GOLGA8B: variants seen among roughly 807,000 people sequenced by gnomAD.
GOLGA8B encodes the protein golgin subfamily A member 8B.
A neutral mutation model predicts 15.6 loss-of-function variants in GOLGA8B; 1 was observed. That is an observed-to-expected ratio of 0.06 (90% CI 0.02 to 0.30). The LOEUF is 0.30. GOLGA8B is among the 10% of genes least tolerant of loss of function. The pLI is 1.00. For missense variants in GOLGA8B, 17 were observed against 201.3 expected (o/e 0.08, Z 5.54); for synonymous variants, 9 against 80.3 (o/e 0.11, Z 4.75).
intron 1 of GOLGA8B, among the ~76,000 whole-genome samples, chr15:34,571,710 A>G (rs1888919169): frequency 6.6e-6 from 1 of 152,056 alleles, no homozygotes; most frequent in African/African-American, 2.4e-5. Flanking sequence ...CGAGACTATC[A>G]AGTATTAGCA....
In GOLGA8B at chr15:34,544,915, TACG is replaced by T. The variant is rs1192333531; in HGVS notation, c.-442_-440del. On this transcript the variant is annotated 5_prime_UTR_variant, in exon 7 of 24. Transcript: ENST00000683415. ...CTTTGAGTCACGTGGCATTTCTTTG[TACG>T]ATGACCGGTTCTGTCGAGTAGGCAC... 15 of 96,868 alleles carry T rather than the reference TACG, an allele frequency of 1.5e-4. No homozygotes were observed. Among genetic ancestry groups the T allele is most frequent in the Non-Finnish European group, 2.1e-4 (10 of 47,298 alleles). 6.0% of individuals were successfully genotyped at this position (96,868 alleles called of 1,614,324 possible).
intron 1 of GOLGA8B, among the ~76,000 whole-genome samples, chr15:34,564,177 C>T (rs1888694745): frequency 6.9e-6 from 1 of 145,212 alleles, no homozygotes; most frequent in Admixed American, 6.9e-5. Context: ...CTACAACACA[C>T]AGGAGAACCC....
At chr15:34,569,774 C>T (rs1888858047) in intron 1 of GOLGA8B, among the ~76,000 whole-genome samples, 1 of 151,094 alleles carries the variant, frequency 6.6e-6, no homozygotes. Context: ...TACCACTTGT[C>T]ACAAGGAAGC....
At chr15:34,583,324 G>A (rs941288502) in intron 1 of GOLGA8B, among the ~76,000 whole-genome samples, 192 bp downstream of exon 1, 5 of 152,064 alleles carry the variant, frequency 3.3e-5, no homozygotes, top group South Asian at 4.1e-4. Flanking sequence ...AGAGGCGTAG[G>A]CCAGCCGGGC....
At chr15:34,561,205 C>T in intron 1 of GOLGA8B, among the ~76,000 whole-genome samples, 1 of 143,260 alleles carries the variant, frequency 7.0e-6, no homozygotes, top group East Asian at 2.1e-4. Flanking sequence ...GGCGGGTGAC[C>T]TCCGTAGAGC....
intron 1 of GOLGA8B, among the ~76,000 whole-genome samples, chr15:34,574,487 T>G (rs1889014157): frequency 6.6e-6 from 1 of 151,770 alleles, no homozygotes; most frequent in Non-Finnish European, 1.5e-5. Context: ...TATTTTTTTG[T>G]AGAGGTGAGG....
chr15:34,579,734 G>A (rs192829692), intron 1 of GOLGA8B, among the ~76,000 whole-genome samples: 2 of 152,286 alleles, frequency 1.3e-5, no homozygotes, highest in Admixed American at 6.5e-5. Context: ...GGGAAAAGGA[G>A]GCACAGGGAG....
intron 1 of GOLGA8B, among the ~76,000 whole-genome samples, chr15:34,569,422 C>G (rs1888845675): frequency 6.6e-6 from 1 of 152,016 alleles, no homozygotes; most frequent in Non-Finnish European, 1.5e-5. Context: ...AAGCTGACCA[C>G]CCCCATGCCT....
chr15:34,573,789 TCAG>T (rs1482023693), intron 1 of GOLGA8B, among the ~76,000 whole-genome samples: 6 of 151,980 alleles, frequency 3.9e-5, no homozygotes, highest in Non-Finnish European at 8.8e-5. Flanking sequence ...GCCACAGAAT[TCAG>T]CAGCTTTTCC....
In GOLGA8B at chr15:34,557,643, A is replaced by AGTGTGTGT. The variant is rs1566932966; in HGVS notation, c.-1122-3688_-1122-3687insACACACAC. Among the ~76,000 whole-genome samples, 28 of 31,520 alleles carry AGTGTGTGT rather than the reference A, an allele frequency of 8.9e-4. 1 individual carries two copies. The highest frequency in any genetic ancestry group is 4.0e-3 in the African/African-American group (24 of 5,986). The allele number at this position is 31,520 out of a possible 152,430, so 20.7% of individuals were successfully genotyped here. The stretch of plus-strand genomic sequence containing the variant: ...TATTTTTTTCTGAGAAGAATTCATG[A>AGTGTGTGT]ATGTGTGTGTGTGTGTGTGTGTGTG... On this transcript the variant is annotated intron_variant, in intron 1 of 23. Coordinates refer to ENST00000683415, the MANE Select transcript of GOLGA8B (RefSeq NM_001023567.5).
At position 34,525,960 on chromosome 15, in the gene GOLGA8B, T is replaced by A. The variant is rs1894431589; in HGVS notation, c.*1672A>T. Reference sequence around the variant, plus strand: ...CTACAACCTAATAATGTGATGTGTTTTGGAACACAGACATTAGAACTTCAT... The same window carrying A: ...CTACAACCTAATAATGTGATGTGTTATGGAACACAGACATTAGAACTTCAT... On this transcript the variant is annotated 3_prime_UTR_variant, in exon 24 of 24. Coordinates refer to ENST00000683415, the MANE Select transcript of GOLGA8B (RefSeq NM_001023567.5). The A allele has an allele frequency of 6.7e-6, 1 of 149,218 alleles. No individual in the cohort carries two copies. Among genetic ancestry groups the A allele is most frequent in the Non-Finnish European group, 1.5e-5 (1 of 67,086 alleles). 9.2% of individuals were successfully genotyped at this position (149,218 alleles called of 1,614,324 possible).
chr15:34,569,260 C>T (rs1247498702), intron 1 of GOLGA8B, among the ~76,000 whole-genome samples: 1 of 142,996 alleles, frequency 7.0e-6, no homozygotes, highest in African/African-American at 2.5e-5. Flanking sequence ...CATTTGGGGA[C>T]CGCAACAGAG....
At chr15:34,571,435 TA>T (rs1181711020) in intron 1 of GOLGA8B, among the ~76,000 whole-genome samples, 2 of 151,998 alleles carry the variant, frequency 1.3e-5, no homozygotes, top group East Asian at 3.9e-4. Context: ...AACTAAGTCT[TA>T]CCAAAAGCCA....
chr15:34,579,090 T>C lies in GOLGA8B; in HGVS notation c.-1123+4426A>G, dbSNP rs922862072. ...AAACAACCACAGGCAAGAGGCCTCA[T>C]GCGCACATTGCAGATGCTGAGAAAG... On this transcript the variant is annotated intron_variant, in intron 1 of 23. Transcript: ENST00000683415. 8.2e-4 allele frequency among the ~76,000 whole-genome samples: 124 copies of C among 151,940 alleles called. 1 individual carries two copies. The highest frequency in any genetic ancestry group is 2.8e-3 in the African/African-American group (115 of 41,350).
intron 1 of GOLGA8B, among the ~76,000 whole-genome samples, chr15:34,579,823 TG>T (rs1889182445): frequency 6.6e-6 from 1 of 152,254 alleles, no homozygotes; most frequent in Non-Finnish European, 1.5e-5. Context: ...AAGGCTCTGC[TG>T]TGTGCCAGGC....
At chr15:34,545,020 C>A (rs1167274816) in intron 6 of GOLGA8B, 67 bp from the exon 7 acceptor site, 1 of 90,944 alleles carries the variant, frequency 1.1e-5, no homozygotes, top group African/African-American at 4.8e-5. Flanking sequence ...GGAGGCCTAA[C>A]AAAACGGCAT....
Position 34,583,165 on chromosome 15 carries a change from G to T in GOLGA8B, c.-1123+351C>A, listed in dbSNP as rs2655325. ...ACCAGCGGCCCGGCCAGCCCAGCGAGATCCGAGCGGGCGGCCCCGCCAGAC... is the reference window on the plus strand; with the variant it reads ...ACCAGCGGCCCGGCCAGCCCAGCGATATCCGAGCGGGCGGCCCCGCCAGAC... On this transcript the variant is annotated intron_variant, in intron 1 of 23. Coordinates refer to ENST00000683415, the MANE Select transcript of GOLGA8B (RefSeq NM_001023567.5). Among the ~76,000 whole-genome samples the T allele has an allele frequency of 5.0e-3, 755 of 152,080 alleles. 1 individual carries two copies. The highest frequency in any genetic ancestry group is 8.2e-3 in the Non-Finnish European group (554 of 67,922).
intron 1 of GOLGA8B, among the ~76,000 whole-genome samples, chr15:34,579,596 C>T (rs1889175018): frequency 6.6e-6 from 1 of 152,222 alleles, no homozygotes; most frequent in South Asian, 2.1e-4. Flanking sequence ...TCTCCTCTGG[C>T]CTATGTGAAA....
At chr15:34,580,601 G>A (rs1233724158) in intron 1 of GOLGA8B, among the ~76,000 whole-genome samples, 2 of 152,130 alleles carry the variant, frequency 1.3e-5, no homozygotes, top group African/African-American at 4.8e-5. Context: ...AGAAGCGACA[G>A]TGCCCATGAC....
Sources: allele counts gnomAD v4.1 joint callset (sites outside exome capture counted in the v4.1 genomes callset), GRCh38; gene constraint gnomAD v4.1.1; transcripts MANE v1.5; gene names NCBI Gene and HGNC (gene_info 2026-07-23, HGNC 2026-07-21).